PTGS1: variants seen among roughly 807,000 people sequenced by gnomAD.
PTGS1 encodes prostaglandin-endoperoxide synthase 1.
PTGS1 carries 40 observed loss-of-function variants against 63.0 expected under a neutral mutation model. The observed-to-expected ratio is 0.63, with a 90% CI of 0.49 to 0.83. The LOEUF (loss-of-function observed/expected upper bound fraction) is 0.83. PTGS1 is among the 40% of genes least tolerant of loss of function. PTGS1 has a pLI of 0.00. For synonymous variants in PTGS1, 298 were observed against 301.9 expected (o/e 0.99, Z 0.13); for missense variants, 709 against 786.5 (o/e 0.90, Z 1.18).
rs1838389418 is a variant in PTGS1, at chr9:122,393,181, A to C, written c.*637A>C. The C allele has an allele frequency of 6.5e-6, 1 of 152,682 alleles. No homozygotes were observed. The highest frequency in any genetic ancestry group is 2.1e-4 in the South Asian group (1 of 4,840). The allele number at this position is 152,682 out of a possible 1,614,324, so 9.5% of individuals were successfully genotyped here. A position where few individuals can be genotyped will look rare whatever the true frequency, so the allele number is the denominator to read the frequency against. The stretch of plus-strand genomic sequence containing the variant: ...CTAAGACCCTGGTCTGAGGATGTAG[A>C]GAGAACAGGTGGGCTGTATTCACGC... On this transcript the variant is annotated 3_prime_UTR_variant, in exon 11 of 11. Transcript: ENST00000362012.
chr9:122,383,872 G>T (rs1016498689), intron 8 of PTGS1, 117 bp downstream of exon 8: 3 of 1,400,338 alleles, frequency 2.1e-6, no homozygotes, highest in African/African-American at 2.8e-5. Flanking sequence ...CTTCTGCTTA[G>T]TGGCTAGAAG....
In PTGS1 at chr9:122,394,030, A is replaced by G. The variant is rs1838439959; in HGVS notation, c.*1486A>G. On this transcript the variant is annotated 3_prime_UTR_variant, in exon 11 of 11. Coordinates refer to ENST00000362012, the MANE Select transcript of PTGS1 (RefSeq NM_000962.4). ...TCACACTCCAGTGGCAGACAAACAG[A>G]CCATAAATAAGGAAACGATGAAATA... The G allele has an allele frequency of 6.6e-6, 1 of 152,296 alleles. No individual in the cohort carries two copies. The highest frequency in any genetic ancestry group is 1.5e-5 in the Non-Finnish European group (1 of 68,098). 9.4% of individuals were successfully genotyped at this position (152,296 alleles called of 1,614,324 possible).
rs201356005 is a variant in PTGS1 at position 122,392,313 on chromosome 9, G to A, written c.1569G>A (p.Glu523=). ...CTATCTTTGGGGAGAGTATGATAGAGATTGGGGCTCCCTTTTCCCTCAAGG... is the reference window on the plus strand; with the variant it reads ...CTATCTTTGGGGAGAGTATGATAGAAATTGGGGCTCCCTTTTCCCTCAAGG... The part of the protein sequence containing the change: ...PNSIFGESMI[E]IGAPFSLKGL... Residue 523 remains glutamate, a synonymous_variant, in exon 11 of 11, where the codon GAG becomes GAA. Coordinates refer to ENST00000362012, the MANE Select transcript of PTGS1 (RefSeq NM_000962.4). The A allele has an allele frequency of 2.5e-6, 4 of 1,614,178 alleles. No individual in the cohort carries two copies. Among genetic ancestry groups the A allele is most frequent in the South Asian group, 2.2e-5 (2 of 91,088 alleles).
chr9:122,386,341 A>T, intron 8 of PTGS1, 105 bp from the exon 9 acceptor site: 1 of 1,255,728 alleles, frequency 8.0e-7, no homozygotes, highest in Non-Finnish European at 1.1e-6. Flanking sequence ...CAACAACAAT[A>T]AAGAGACCAA....
intron 10 of PTGS1, among the ~76,000 whole-genome samples, chr9:122,390,883 C>T (rs771027309): frequency 1.3e-5 from 2 of 151,710 alleles, no homozygotes; most frequent in Admixed American, 6.6e-5. Context: ...GGCGACAGAG[C>T]GAGACACCAT....
intron 9 of PTGS1, among the ~76,000 whole-genome samples, chr9:122,389,861 T>C (rs1838096101): frequency 1.3e-5 from 2 of 151,890 alleles, no homozygotes; most frequent in South Asian, 2.1e-4. Context: ...CTTGAGAAGC[T>C]GAGGTGGGAG....
intron 2 of PTGS1, among the ~76,000 whole-genome samples, chr9:122,375,711 C>T (rs1021975866): frequency 2.0e-5 from 3 of 152,004 alleles, no homozygotes; most frequent in Non-Finnish European, 2.9e-5. Context: ...GGAGGCAAGG[C>T]GTGGGCTCAG....
intron 2 of PTGS1, among the ~76,000 whole-genome samples, chr9:122,375,988 G>T (rs1837125779): frequency 6.6e-6 from 1 of 152,088 alleles, no homozygotes; most frequent in Non-Finnish European, 1.5e-5. Context: ...GGGTGCTACA[G>T]GGGCTCCTGG....
chr9:122,370,859 T>C, upstream of PTGS1: 2 of 678,100 alleles, frequency 2.9e-6, no homozygotes, highest in Non-Finnish European at 2.4e-6. Flanking sequence ...GCTTCAAGGA[T>C]CTTGGGTGAA....
chr9:122,382,697 C>T (rs946935757), intron 7 of PTGS1, among the ~76,000 whole-genome samples: 6 of 152,212 alleles, frequency 3.9e-5, no homozygotes, highest in Admixed American at 2.6e-4. Context: ...AGCACCAAAA[C>T]AAAGTTTGAT....
chr9:122,391,380 T>TATAC (rs1564147381), intron 10 of PTGS1, among the ~76,000 whole-genome samples: 2 of 92,484 alleles, frequency 2.2e-5, no homozygotes, highest in Admixed American at 1.2e-4. Flanking sequence ...TACATATATA[T>TATAC]ATATACATAT....
At position 122,383,495 on chromosome 9, in the gene PTGS1, GC is replaced by G. The variant is rs1394083670; in HGVS notation, c.763-10del. The G allele has an allele frequency of 4.4e-6, 7 of 1,586,332 alleles. No homozygotes were observed. In the Admixed American group the frequency reaches 5.1e-5, roughly 12 times the overall value. ...ACCCCCAACCCCAGGTTGCCAGGTG[GC>G]CCCATCCCACAGGTGCTGGATGGAG... On this transcript the variant is annotated splice_polypyrimidine_tract_variant and intron_variant, in intron 7 of 10. Transcript: ENST00000362012.
At chr9:122,376,931 G>A (rs1837203418) in intron 2 of PTGS1, among the ~76,000 whole-genome samples, 2 of 152,046 alleles carry the variant, frequency 1.3e-5, no homozygotes, top group Admixed American at 1.3e-4. Flanking sequence ...GAGGGATCTG[G>A]GTTAGATGCC....
At position 122,395,277 on chromosome 9, in the gene PTGS1, A is replaced by T. The variant is rs1234665268; in HGVS notation, c.*2733A>T. On this transcript the variant is annotated 3_prime_UTR_variant, in exon 11 of 11. Coordinates refer to ENST00000362012, the MANE Select transcript of PTGS1 (RefSeq NM_000962.4). ...GGGAAACAGGCTAAATGCACCAAGA[A>T]AGCTTCTTCAGAGTGAAGAATCTTA... The T allele has an allele frequency of 6.6e-6, 1 of 152,200 alleles. No homozygotes were observed. Among genetic ancestry groups the T allele is most frequent in the Non-Finnish European group, 1.5e-5 (1 of 68,038 alleles). The allele number at this position is 152,200 out of a possible 1,614,324, so 9.4% of individuals were successfully genotyped here.
At chr9:122,388,199 A>AT (rs1277109939) in intron 9 of PTGS1, among the ~76,000 whole-genome samples, 1 of 151,852 alleles carries the variant, frequency 6.6e-6, no homozygotes. Context: ...GACTGTCAAG[A>AT]TTTTTTTTCT....
intron 2 of PTGS1, chr9:122,371,604 T>C: frequency 2.1e-6 from 3 of 1,430,454 alleles, no homozygotes; most frequent in Non-Finnish European, 2.7e-6. Context: ...ACCCCGCTGT[T>C]TCCTATAGGG....
Position 122,371,262 on chromosome 9 carries a change from G to A in PTGS1, c.84G>A (p.Ala28=), listed in dbSNP as rs144146282. 121 of 1,605,182 alleles carry A rather than the reference G, an allele frequency of 7.5e-5. No individual in the cohort carries two copies. The highest frequency in any genetic ancestry group is 1.2e-4 in the South Asian group (11 of 91,082). Residue 28 remains alanine (A), a synonymous_variant, in exon 2 of 11, where the codon GCG becomes GCA. Coordinates refer to ENST00000362012, the MANE Select transcript of PTGS1 (RefSeq NM_000962.4). Reference sequence around the variant, plus strand: ...CCGTCCTGCTCGCGGACCCAGGGGCGCCCACGCCAGGTAGGCGGCCCCATC... The same window carrying A: ...CCGTCCTGCTCGCGGACCCAGGGGCACCCACGCCAGGTAGGCGGCCCCATC... ...PLPVLLADPG[A]PTPVNPCCYY... is the part of the protein sequence containing the mutation.
chr9:122,381,754 C>G lies in PTGS1; in HGVS notation c.762+7C>G. 1 of 1,593,484 alleles carries G rather than the reference C, an allele frequency of 6.3e-7. No individual in the cohort carries two copies. Among genetic ancestry groups the G allele is most frequent in the Non-Finnish European group, 8.5e-7 (1 of 1,176,778 alleles). On this transcript the variant is annotated splice_region_variant and intron_variant, in intron 7 of 10. Transcript: ENST00000362012. The stretch of plus-strand genomic sequence containing the variant: ...TGGGAAACTCAAGTACCAGGTAGTG[C>G]TGGGCCAGGGGGTAGGGCAGAGGGA...
rs760264793 is a variant in PTGS1 at position 122,378,903 on chromosome 9, C to A, written c.481C>A (p.Pro161Thr). The change falls in exon 5 of 11, where the codon CCC becomes ACC. Residue 161 changes from proline (P) to threonine (T), a missense_variant. Pro to Thr is a conservative substitution (Grantham distance 38). Coordinates refer to ENST00000362012, the MANE Select transcript of PTGS1 (RefSeq NM_000962.4). ...CTCTGTGCCTAAAGATTGCCCCACA[C>A]CCATGGGAACCAAAGGTAAAATGGG... Reference protein sequence around the residue: ...LPSVPKDCPTPMGTKGKKQLP... With the variant: ...LPSVPKDCPTTMGTKGKKQLP... The A allele has an allele frequency of 6.2e-7, 1 of 1,614,196 alleles. No homozygotes were observed. The highest frequency in any genetic ancestry group is 1.7e-5 in the Admixed American group (1 of 60,022).
Sources: allele counts gnomAD v4.1 joint callset (sites outside exome capture counted in the v4.1 genomes callset), GRCh38; gene constraint gnomAD v4.1.1; transcripts MANE v1.5; gene names NCBI Gene and HGNC (gene_info 2026-07-23, HGNC 2026-07-21).